The following LSM14A variants were observed in gnomAD, a reference collection of about 807,000 sequenced individuals.
LSM14A encodes the protein protein LSM14 homolog A.
In LSM14A, 14 loss-of-function variants were observed where a neutral mutation model predicts 52.4. The observed-to-expected ratio is 0.27, with a 90% CI of 0.18 to 0.42. LSM14A has a LOEUF of 0.42. Among genes scored for constraint, LSM14A ranks in the 10% least tolerant of loss-of-function variants. The pLI, the probability that LSM14A is intolerant of heterozygous loss-of-function variation, is 1.00. For missense variants in LSM14A, 417 were observed against 581.8 expected, an observed-to-expected ratio of 0.72 and a Z score of 2.91; for synonymous variants, 185 against 200.3, an observed-to-expected ratio of 0.92 and a Z score of 0.64.
chr19:34,215,350 C>T (rs772136366), intron 5 of LSM14A, 50 bp downstream of exon 5: 3 of 1,481,082 alleles, frequency 2.0e-6, no homozygotes, highest in African/African-American at 1.4e-5. Context: ...CAATGTTTTC[C>T]ACTCACTTTA....
intron 1 of LSM14A, among the ~76,000 whole-genome samples, chr19:34,188,284 G>A (rs527664806): frequency 1.7e-3 from 265 of 152,140 alleles, no homozygotes; most frequent in South Asian, 6.2e-3. Flanking sequence ...GAGAAGGGAC[G>A]CTGTCTCAAA....
At chr19:34,185,046 C>T (rs2069789593) in intron 1 of LSM14A, among the ~76,000 whole-genome samples, 1 of 152,210 alleles carries the variant, frequency 6.6e-6, no homozygotes, top group Admixed American at 6.5e-5. Flanking sequence ...TTTGTTATTA[C>T]ATCACTCTCT....
rs1459896554 is a variant in LSM14A at position 34,228,008 on chromosome 19, T to C, written c.*620T>C. On this transcript the variant is annotated 3_prime_UTR_variant, in exon 10 of 10. Transcript: ENST00000544216. ...TATATAGTTGTAAAATTCCATTATA[T>C]TCCATTGCCAAAGAAACATTAAGAA... The C allele has an allele frequency of 6.6e-6, 1 of 152,588 alleles. No homozygotes were observed. The highest frequency in any genetic ancestry group is 1.5e-5 in the Non-Finnish European group (1 of 68,022). 9.5% of individuals were successfully genotyped at this position (152,588 alleles called of 1,614,324 possible). A position where few individuals can be genotyped will look rare whatever the true frequency, so the allele number is the denominator to read the frequency against.
chr19:34,207,355 G>T (rs757363272), intron 3 of LSM14A, among the ~76,000 whole-genome samples: 3 of 152,078 alleles, frequency 2.0e-5, no homozygotes, highest in Non-Finnish European at 4.4e-5. Flanking sequence ...TAACTGGATG[G>T]GTTCTACTCC....
At chr19:34,195,905 T>TATTC (rs1489544381) in intron 2 of LSM14A, among the ~76,000 whole-genome samples, 1 of 152,248 alleles carries the variant, frequency 6.6e-6, no homozygotes, top group Admixed American at 6.5e-5. Flanking sequence ...TTGATCTCCT[T>TATTC]ATTCATTCAT....
rs117567899 is a variant in LSM14A, at chr19:34,223,419, A to G, written c.1368+1681A>G. On this transcript the variant is annotated intron_variant, in intron 9 of 9. Transcript: ENST00000544216. ...CTTTTGTAAGCCTGTCCTGGACCCT[A>G]TGTGTTTCTGCACCGCATCTCTATC... 1.6e-3 allele frequency among the ~76,000 whole-genome samples: 247 copies of G among 152,100 alleles called. 5 individuals are homozygous for G. In the East Asian group the frequency reaches 0.041, roughly 25 times the overall value.
Position 34,219,885 on chromosome 19 carries a change from T to A in LSM14A, c.1136+8T>A. On this transcript the variant is annotated splice_region_variant and intron_variant, in intron 8 of 9. Transcript: ENST00000544216. ...TTCTTGTGATGACAATAGGTACAGT[T>A]TTTAAGCTGTTCTTTTATCTTATGA... 6.3e-7 allele frequency: 1 copy of A among 1,584,076 alleles called. No individual in the cohort carries two copies. Among genetic ancestry groups the A allele is most frequent in the Non-Finnish European group, 8.6e-7 (1 of 1,157,716 alleles).
chr19:34,176,029 G>C (rs972745721), intron 1 of LSM14A, among the ~76,000 whole-genome samples: 3 of 151,718 alleles, frequency 2.0e-5, no homozygotes, highest in African/African-American at 7.3e-5. Context: ...TTTGTATTTT[G>C]AGTAGAGACG....
chr19:34,184,961 T>C (rs894535956), intron 1 of LSM14A, among the ~76,000 whole-genome samples: 1 of 152,252 alleles, frequency 6.6e-6, no homozygotes, highest in African/African-American at 2.4e-5. Context: ...CTATCTGTTA[T>C]GTTCAGTTAC....
intron 1 of LSM14A, among the ~76,000 whole-genome samples, chr19:34,174,253 G>C (rs1395446675): frequency 6.6e-6 from 1 of 152,178 alleles, no homozygotes; most frequent in East Asian, 1.9e-4. Flanking sequence ...CCAGCCTCTG[G>C]TAAATCTTTT....
At chr19:34,210,241 G>A (rs2072032318) in intron 4 of LSM14A, among the ~76,000 whole-genome samples, 2 of 151,530 alleles carry the variant, frequency 1.3e-5, no homozygotes, top group Admixed American at 6.6e-5. Context: ...AGTTCTTACT[G>A]TTACTCATAT....
chr19:34,226,894 C>G (rs946375303), intron 9 of LSM14A, among the ~76,000 whole-genome samples: 1 of 152,156 alleles, frequency 6.6e-6, no homozygotes, highest in African/African-American at 2.4e-5. Context: ...GATTTTTAAA[C>G]CATTGCTTCC....
chr19:34,194,394 C>A, intron 1 of LSM14A, 84 bp from the exon 2 acceptor site: 1 of 1,215,934 alleles, frequency 8.2e-7, no homozygotes, highest in Non-Finnish European at 1.2e-6. Flanking sequence ...CTGCTTAGTA[C>A]TTGAAATACA....
chr19:34,229,057 C>G lies in LSM14A; in HGVS notation c.*1669C>G, dbSNP rs537041546. On this transcript the variant is annotated 3_prime_UTR_variant, in exon 10 of 10. Coordinates refer to ENST00000544216, the MANE Select transcript of LSM14A (RefSeq NM_015578.4). ...CATCAGAGCAAGTACCATGGCAATA[C>G]ATGTGTAGACTGTTGGAGATGTCCC... 4 of 152,298 alleles carry G rather than the reference C, an allele frequency of 2.6e-5. No homozygotes were observed. The highest frequency in any genetic ancestry group is 9.6e-5 in the African/African-American group (4 of 41,552). The allele number at this position is 152,298 out of a possible 1,614,324, so 9.4% of individuals were successfully genotyped here. A position where few individuals can be genotyped will look rare whatever the true frequency, so the allele number is the denominator to read the frequency against.
intron 1 of LSM14A, among the ~76,000 whole-genome samples, chr19:34,184,177 T>G (rs2069715264): frequency 6.6e-6 from 1 of 151,122 alleles, no homozygotes; most frequent in Non-Finnish European, 1.5e-5. Flanking sequence ...TACCTCAGCC[T>G]CCTGAGTAGC....
chr19:34,179,000 C>T (rs1651806), intron 1 of LSM14A, among the ~76,000 whole-genome samples: 51,361 of 152,002 alleles, frequency 0.34, 9,065 homozygotes, highest in Non-Finnish European at 0.37. Context: ...TTTGCACCTA[C>T]GTCTATAAGT....
Position 34,228,970 on chromosome 19 carries a change from A to T in LSM14A, c.*1582A>T, listed in dbSNP as rs2073469414. 1 of 152,418 alleles carries T rather than the reference A, an allele frequency of 6.6e-6. No homozygotes were observed. The highest frequency in any genetic ancestry group is 2.4e-5 in the African/African-American group (1 of 41,448). The allele number at this position is 152,418 out of a possible 1,614,324, so 9.4% of individuals were successfully genotyped here. ...CAGTGCTGTTTGCTTGCATGTTAACAACAAAACCTTTTAGAGGACCCACAA... is the reference window on the plus strand; with the variant it reads ...CAGTGCTGTTTGCTTGCATGTTAACTACAAAACCTTTTAGAGGACCCACAA... On this transcript the variant is annotated 3_prime_UTR_variant, in exon 10 of 10. Transcript: ENST00000544216.
At chr19:34,226,290 G>T (rs2145914049) in intron 9 of LSM14A, 1 of 1,025,986 alleles carries the variant, frequency 9.7e-7, no homozygotes, top group East Asian at 2.7e-5. Context: ...AGACAACAAG[G>T]TGTCTGAATG....
intron 4 of LSM14A, among the ~76,000 whole-genome samples, chr19:34,211,915 T>A (rs1336800270): frequency 6.6e-6 from 1 of 152,102 alleles, no homozygotes; most frequent in Non-Finnish European, 1.5e-5. Flanking sequence ...ATCTTTAAAA[T>A]AAACATGGAA....
Sources: gnomAD v4.1 joint callset for allele counts (sites outside exome capture counted in the v4.1 genomes callset) on GRCh38, gnomAD v4.1.1 for gene constraint, MANE v1.5 for transcripts, NCBI Gene and HGNC (gene_info 2026-07-23, HGNC 2026-07-21) for gene names.